The following RNF123 variants were observed in gnomAD, a reference collection of about 807,000 sequenced individuals.
RNF123 encodes ring finger protein 123, also known as E3 ubiquitin-protein ligase RNF123.
Under a neutral mutation model 168.5 loss-of-function variants are expected in RNF123, and 86 were observed. That is an observed-to-expected ratio of 0.51 (90% CI 0.43 to 0.61). The LOEUF (loss-of-function observed/expected upper bound fraction) is 0.61, where lower values mean the gene tolerates loss of function less well. Among genes scored for constraint, RNF123 ranks in the 20% least tolerant of loss-of-function variants. RNF123 has a pLI of 0.00. For synonymous variants in RNF123, 666 were observed against 689.1 expected, an observed-to-expected ratio of 0.97 and a Z score of 0.52; for missense variants, 1,419 against 1,729.7, an observed-to-expected ratio of 0.82 and a Z score of 3.19.
chr3:49,718,478 C>A, intron 35 of RNF123: 1 of 1,613,004 alleles, frequency 6.2e-7, no homozygotes, highest in South Asian at 1.1e-5. Flanking sequence ...GCCAGCACCG[C>A]GATGCTGCCA....
At chr3:49,701,435 T>G in intron 15 of RNF123, 56 bp from the exon 16 acceptor site, 6 of 1,380,314 alleles carry the variant, frequency 4.3e-6, no homozygotes, top group Non-Finnish European at 6.2e-6. Context: ...GGAAGGACTC[T>G]TGAGGGTGTG....
At position 49,713,065 on chromosome 3, in the gene RNF123, C is replaced by T. The variant is rs910688543; in HGVS notation, c.2674+409C>T. The T allele has an allele frequency of 6.4e-6, 4 of 622,722 alleles. No homozygotes were observed. The Admixed American group carries it at 1.0e-4, about 16-fold the overall frequency. 38.6% of individuals were successfully genotyped at this position (622,722 alleles called of 1,614,324 possible). ...AAATCACAGCAGGGGGTGGACCCTG[C>T]TAGGGTCCACATCCGAACCTGGGCC... On this transcript the variant is annotated intron_variant, in intron 27 of 38. Coordinates refer to ENST00000327697, the MANE Select transcript of RNF123 (RefSeq NM_022064.5).
intron 35 of RNF123, chr3:49,718,590 C>T (rs781467596): frequency 3.1e-6 from 5 of 1,612,922 alleles, no homozygotes; most frequent in African/African-American, 1.3e-5. Context: ...GGGACCGACC[C>T]ACCAGCGCGT....
chr3:49,701,278 G>A (rs1022595831), intron 15 of RNF123, among the ~76,000 whole-genome samples: 3 of 152,218 alleles, frequency 2.0e-5, no homozygotes, highest in Admixed American at 1.3e-4. Context: ...AGCCCTTATC[G>A]TGCACCTGCT....
At chr3:49,716,365 C>T (rs1225424396) in intron 34 of RNF123, 28 bp from the exon 35 acceptor site, 3 of 1,594,610 alleles carry the variant, frequency 1.9e-6, no homozygotes, top group Non-Finnish European at 2.6e-6. Flanking sequence ...ATGTGGGTGG[C>T]TCATCTCTTT....
chr3:49,704,640 T>C lies in RNF123; in HGVS notation c.1853-10T>C, dbSNP rs1353399956. ...CACTGGCCTGAGAACCCTCCTGCTCTTCCTCCCAGATGACCTTGCTTCCAA... is the reference window on the plus strand; with the variant it reads ...CACTGGCCTGAGAACCCTCCTGCTCCTCCTCCCAGATGACCTTGCTTCCAA... On this transcript the variant is annotated splice_polypyrimidine_tract_variant and intron_variant, in intron 21 of 38. Transcript: ENST00000327697. 1 of 1,605,954 alleles carries C rather than the reference T, an allele frequency of 6.2e-7. No individual in the cohort carries two copies. The highest frequency in any genetic ancestry group is 1.3e-5 in the African/African-American group (1 of 74,970).
rs1347856684 is a variant in RNF123, at chr3:49,700,169, G to C, written c.985-58G>C. ...TGTGCCTTGGCCATGTGCCAGGGCA[G>C]GGGTGCCTTGACCAGAGTGGAAGGC... On this transcript the variant is annotated intron_variant, in intron 12 of 38. Coordinates refer to ENST00000327697, the MANE Select transcript of RNF123 (RefSeq NM_022064.5). 9 of 1,605,918 alleles carry C rather than the reference G, an allele frequency of 5.6e-6. No homozygotes were observed. In the Admixed American group the frequency reaches 1.5e-4, roughly 27 times the overall value.
At chr3:49,702,566 C>T in intron 19 of RNF123, 67 bp from the exon 20 acceptor site, 3 of 1,612,940 alleles carry the variant, frequency 1.9e-6, no homozygotes, top group Non-Finnish European at 2.5e-6. Flanking sequence ...TCAGGCAGGG[C>T]CTTGGATGAG....
intron 26 of RNF123, among the ~76,000 whole-genome samples, chr3:49,711,829 C>T (rs2080149461): frequency 6.6e-6 from 1 of 152,124 alleles, no homozygotes; most frequent in Admixed American, 6.6e-5. Flanking sequence ...GTCACACTGC[C>T]CCCTGCTTTC....
intron 35 of RNF123, chr3:49,716,738 C>T (rs1455667800): frequency 1.7e-5 from 8 of 469,650 alleles, no homozygotes; most frequent in Non-Finnish European, 2.7e-5. Context: ...TGCCTCAGGC[C>T]AGGCATGGGA....
Position 49,702,357 on chromosome 3 carries a change from C to T in RNF123, c.1581C>T (p.Phe527=), listed in dbSNP as rs753413549. The change falls in exon 19 of 39, where the codon TTC becomes TTT. Residue 527 remains phenylalanine, a synonymous_variant. Transcript: ENST00000327697. ...AGGGTGAAGCTTCTAGGTATATCTT[C>T]CTGACCAAGTTTCGCAAGTTTCTGC... is the stretch of plus-strand genomic sequence containing the variant. ...DNGGEASRYI[F]LTKFRKFLQE... 1 of 1,614,208 alleles carries T rather than the reference C, an allele frequency of 6.2e-7. No homozygotes were observed.
chr3:49,693,197 C>T (rs1440392726), intron 3 of RNF123, among the ~76,000 whole-genome samples: 1 of 151,248 alleles, frequency 6.6e-6, no homozygotes, highest in South Asian at 2.1e-4. Flanking sequence ...TGCAGGTGCC[C>T]GCCACCATGC....
In RNF123 at chr3:49,697,458, G is replaced by A; in HGVS notation, c.342+1G>A. ...CCTGGTGGATGATGACCTGCTGGGG[G>A]TGAGTGAGGGTGAGGTGTGGAGACC... is the stretch of plus-strand genomic sequence containing the variant. On this transcript the variant is annotated splice_donor_variant, in intron 5 of 38. Transcript: ENST00000327697. LOFTEE classifies it high-confidence loss of function. 6.3e-7 allele frequency: 1 copy of A among 1,595,628 alleles called. No homozygotes were observed. Among genetic ancestry groups the A allele is most frequent in the Non-Finnish European group, 8.5e-7 (1 of 1,170,574 alleles).
chr3:49,711,372 G>A (rs552186687), intron 26 of RNF123, among the ~76,000 whole-genome samples: 1 of 152,082 alleles, frequency 6.6e-6, no homozygotes, highest in Non-Finnish European at 1.5e-5. Context: ...TCCAGCACAG[G>A]CTCTTCCCCA....
At chr3:49,697,286 C>T (rs932524575) in intron 4 of RNF123, 64 bp downstream of exon 4, 73 of 1,593,046 alleles carry the variant, frequency 4.6e-5, no homozygotes, top group South Asian at 5.5e-5. Flanking sequence ...GGCCTGGAGA[C>T]GTCTGGTGAG....
At chr3:49,717,511 T>C (rs1232136896) in intron 35 of RNF123, 3 of 187,486 alleles carry the variant, frequency 1.6e-5, no homozygotes, top group Non-Finnish European at 2.3e-5. Flanking sequence ...CTGCGTCAGC[T>C]CTTGAGCACC....
chr3:49,695,494 ACCC>A (rs1373022790), intron 3 of RNF123, among the ~76,000 whole-genome samples: 1 of 152,160 alleles, frequency 6.6e-6, no homozygotes, highest in Non-Finnish European at 1.5e-5. Context: ...CTAGCTGAGC[ACCC>A]CGACTGCATA....
intron 3 of RNF123, among the ~76,000 whole-genome samples, chr3:49,692,059 C>T (rs1293742953): frequency 6.6e-6 from 1 of 152,222 alleles, no homozygotes; most frequent in Non-Finnish European, 1.5e-5. Flanking sequence ...GCCTGAGCAA[C>T]ATGGCAAGAC....
intron 35 of RNF123, chr3:49,719,232 G>A (rs2080329964): frequency 1.2e-6 from 2 of 1,613,128 alleles, no homozygotes; most frequent in Non-Finnish European, 1.7e-6. Flanking sequence ...CCAACCAGCC[G>A]GGGCGCAGGC....
Sources: gnomAD v4.1 joint callset for allele counts (sites outside exome capture counted in the v4.1 genomes callset) on GRCh38, gnomAD v4.1.1 for gene constraint, MANE v1.5 for transcripts, NCBI Gene and HGNC (gene_info 2026-07-23, HGNC 2026-07-21) for gene names.